Variants in PTPRM observed in about 807,000 individuals in gnomAD.
PTPRM encodes the protein protein tyrosine phosphatase receptor type M, also known as receptor-type tyrosine-protein phosphatase mu.
PTPRM carries 47 observed loss-of-function variants against 186.7 expected under a neutral mutation model. The ratio of observed to expected loss-of-function variants is 0.25; its 90% CI spans 0.20 to 0.32. PTPRM has a LOEUF of 0.32. Ranked by LOEUF, PTPRM falls within the 10% of genes least tolerant of loss-of-function variation. The pLI, the probability that PTPRM is intolerant of heterozygous loss-of-function variation, is 1.00. For missense variants in PTPRM, 1,494 were observed against 1,865.0 expected, an observed-to-expected ratio of 0.80 and a Z score of 3.66; for synonymous variants, 668 against 674.9, an observed-to-expected ratio of 0.99 and a Z score of 0.16.
intron 7 of PTPRM, among the ~76,000 whole-genome samples, chr18:7,961,042 G>A (rs910834545): frequency 5.9e-5 from 9 of 152,024 alleles, no homozygotes; most frequent in Non-Finnish European, 7.4e-5. Flanking sequence ...TGAGGTACAC[G>A]AAATATTTTG....
At chr18:8,133,801 G>A (rs1201080137) in intron 13 of PTPRM, among the ~76,000 whole-genome samples, 2 of 152,096 alleles carry the variant, frequency 1.3e-5, no homozygotes, top group East Asian at 1.9e-4. Flanking sequence ...GAAGCTCTTG[G>A]ATTTGATTTT....
At chr18:8,319,367 T>C (rs2095331397) in intron 22 of PTPRM, among the ~76,000 whole-genome samples, 153 bp downstream of exon 22, 1 of 152,206 alleles carries the variant, frequency 6.6e-6, no homozygotes, top group Non-Finnish European at 1.5e-5. Context: ...TCAGACATTC[T>C]GGTCATGTAA....
intron 20 of PTPRM, among the ~76,000 whole-genome samples, chr18:8,306,266 A>G (rs2095220913): frequency 6.6e-6 from 1 of 152,062 alleles, no homozygotes; most frequent in Admixed American, 6.5e-5. Flanking sequence ...GCATTATCTT[A>G]TTTGGTCCTC....
chr18:7,634,727 T>C lies in PTPRM; in HGVS notation c.73+66836T>C, dbSNP rs144696091. ...TGGATTTCTTTTCATTTCAGATCTA[T>C]TGTTGCATCCCTAGTTATCACCTTT... On this transcript the variant is annotated intron_variant, in intron 1 of 32. Transcript: ENST00000580170. Among the ~76,000 whole-genome samples the C allele has an allele frequency of 2.7e-3, 416 of 152,350 alleles. 1 individual carries two copies. The highest frequency in any genetic ancestry group is 9.2e-3 in the African/African-American group (381 of 41,572).
chr18:8,401,792 C>T (rs2095873571), intron 32 of PTPRM, among the ~76,000 whole-genome samples: 1 of 152,252 alleles, frequency 6.6e-6, no homozygotes, highest in South Asian at 2.1e-4. Context: ...TTTTAACAGC[C>T]AACCTCAATT....
intron 19 of PTPRM, among the ~76,000 whole-genome samples, chr18:8,270,988 A>C (rs978422990): frequency 7.3e-5 from 11 of 150,652 alleles, no homozygotes; most frequent in Non-Finnish European, 1.0e-4. Flanking sequence ...CTGAGACTTA[A>C]GTAGATCTTA....
At chr18:7,829,360 T>G (rs80325632) in intron 2 of PTPRM, among the ~76,000 whole-genome samples, 544 of 152,310 alleles carry the variant, frequency 3.6e-3, no homozygotes, top group Non-Finnish European at 4.5e-3. Context: ...GATGCACATT[T>G]GATATCCAGG....
chr18:8,014,601 A>G (rs2084744322), intron 7 of PTPRM, among the ~76,000 whole-genome samples: 1 of 152,232 alleles, frequency 6.6e-6, no homozygotes, highest in Non-Finnish European at 1.5e-5. Flanking sequence ...AGTATATATT[A>G]GACTAAGGAA....
chr18:8,238,525 T>TA (rs2094373469), intron 14 of PTPRM, among the ~76,000 whole-genome samples: 1 of 152,122 alleles, frequency 6.6e-6, no homozygotes, highest in Non-Finnish European at 1.5e-5. Flanking sequence ...CTTTATCAAT[T>TA]AGACATTAGA....
At position 8,376,205 on chromosome 18, in the gene PTPRM, G is replaced by A; in HGVS notation, c.3326+5G>A. 6.2e-7 allele frequency: 1 copy of A among 1,609,286 alleles called. No individual in the cohort carries two copies. Among genetic ancestry groups the A allele is most frequent in the Non-Finnish European group, 8.5e-7 (1 of 1,177,602 alleles). ...CCCACTGGTGGTGCACTGCAGGTAA[G>A]CAGAGCTCCAGAGCCTCTTGAAGGA... On this transcript the variant is annotated splice_donor_5th_base_variant and intron_variant, in intron 25 of 32. Transcript: ENST00000580170.
chr18:7,639,884 C>G (rs928713067), intron 1 of PTPRM, among the ~76,000 whole-genome samples: 2 of 151,874 alleles, frequency 1.3e-5, no homozygotes, highest in Non-Finnish European at 2.9e-5. Context: ...GAAAATTTAC[C>G]CAAAGAGTAT....
chr18:7,598,014 TA>T lies in PTPRM; in HGVS notation c.73+30131del, dbSNP rs200664553. On this transcript the variant is annotated intron_variant, in intron 1 of 32. Transcript: ENST00000580170. ...TTTAAAAAATGGGATATTTTGCCTT[TA>T]AAAAAAATTGTTAATATAGACAGTC... Among the ~76,000 whole-genome samples, 438 of 152,162 alleles carry T rather than the reference TA, an allele frequency of 2.9e-3. 1 individual carries two copies. Among genetic ancestry groups the T allele is most frequent in the African/African-American group, 9.2e-3 (383 of 41,526 alleles).
chr18:8,084,170 C>A (rs1186811210), intron 9 of PTPRM, among the ~76,000 whole-genome samples: 2 of 152,132 alleles, frequency 1.3e-5, no homozygotes, highest in Non-Finnish European at 2.9e-5. Flanking sequence ...CAGCTCCGAA[C>A]ACAGTGCTTG....
At chr18:8,220,617 GAGTT>G (rs886808691) in intron 14 of PTPRM, among the ~76,000 whole-genome samples, 3 of 152,192 alleles carry the variant, frequency 2.0e-5, no homozygotes, top group African/African-American at 7.2e-5. Flanking sequence ...TATTAGGAAA[GAGTT>G]AGGAAAGCTG....
intron 22 of PTPRM, among the ~76,000 whole-genome samples, chr18:8,334,561 A>C (rs2095428550): frequency 1.3e-5 from 2 of 152,364 alleles, no homozygotes; most frequent in South Asian, 4.1e-4. Flanking sequence ...CACCACCTGG[A>C]CATTTCTGCT....
At chr18:7,898,084 G>C (rs1599367144) in intron 3 of PTPRM, among the ~76,000 whole-genome samples, 1 of 152,198 alleles carries the variant, frequency 6.6e-6, no homozygotes, top group South Asian at 2.1e-4. Context: ...TTTTGCTCCT[G>C]ATTCTTAATG....
chr18:7,806,211 G>A (rs331429), intron 2 of PTPRM, among the ~76,000 whole-genome samples: 5,306 of 152,174 alleles, frequency 0.035, 315 homozygotes, highest in African/African-American at 0.12. Flanking sequence ...CCAAGCTCAG[G>A]AACTAATGTC....
At chr18:7,666,296 C>G (rs991924400) in intron 1 of PTPRM, among the ~76,000 whole-genome samples, 1 of 152,064 alleles carries the variant, frequency 6.6e-6, no homozygotes, top group African/African-American at 2.4e-5. Flanking sequence ...AGAACAAAGA[C>G]CTGGATTCTT....
At chr18:7,849,624 T>C (rs1397433261) in intron 2 of PTPRM, among the ~76,000 whole-genome samples, 1 of 152,244 alleles carries the variant, frequency 6.6e-6, no homozygotes, top group Non-Finnish European at 1.5e-5. Flanking sequence ...TCTGTTAATA[T>C]GTTTCTTTGC....
Sources: allele counts gnomAD v4.1 joint callset (sites outside exome capture counted in the v4.1 genomes callset), GRCh38; gene constraint gnomAD v4.1.1; transcripts MANE v1.5; gene names NCBI Gene and HGNC (gene_info 2026-07-23, HGNC 2026-07-21).